The following EML4 variants were observed in gnomAD, a reference collection of about 807,000 sequenced individuals.
The protein encoded by EML4 is echinoderm microtubule-associated protein-like 4.
EML4 carries 72 observed loss-of-function variants against 129.0 expected under a neutral mutation model. The ratio of observed to expected loss-of-function variants is 0.56; its 90% CI spans 0.46 to 0.68. EML4 has a LOEUF of 0.68. EML4 is among the 30% of genes least tolerant of loss of function. The probability of loss-of-function intolerance (pLI) is 0.00; values close to 1 mark genes in which losing one functional copy is unlikely to be tolerated. For synonymous variants in EML4, 532 were observed against 405.0 expected (o/e 1.31, Z -3.77); for missense variants, 1,363 against 1,190.6 (o/e 1.14, Z -2.13).
At chr2:42,285,990 G>A (rs1444266679) in intron 9 of EML4, 1 of 418,110 alleles carries the variant, frequency 2.4e-6, no homozygotes, top group Admixed American at 3.5e-5. Context: ...AATTATAATA[G>A]TGTACCTGTA....
chr2:42,268,254 T>C (rs1233564447), intron 6 of EML4, among the ~76,000 whole-genome samples: 2 of 152,080 alleles, frequency 1.3e-5, no homozygotes, highest in East Asian at 1.9e-4. Context: ...AACAATACAA[T>C]ATAACAACTA....
Position 42,245,568 on chromosome 2 carries a change from G to T in EML4, c.89G>T (p.Arg30Leu). 6.2e-7 allele frequency: 1 copy of T among 1,613,822 alleles called. No homozygotes were observed. Among genetic ancestry groups the T allele is most frequent in the Non-Finnish European group, 8.5e-7 (1 of 1,179,872 alleles). The change falls in exon 2 of 23, where the codon CGA becomes CTA. Residue 30 changes from arginine (R) to leucine (L), a missense_variant. By Grantham distance (102) the Arg-to-Leu change is moderately radical. Coordinates refer to ENST00000318522, the MANE Select transcript of EML4 (RefSeq NM_019063.5). ...GATCGCCTGTCAGCTCTTGAGTCAC[G>T]AGTTCAGCAACAAGAAGATGAAATC... ...VQDRLSALES[R>L]VQQQEDEITV...
rs778258805 is a variant in EML4 at position 42,332,516 on chromosome 2, A to C, written c.*2309A>C. The C allele has an allele frequency of 3.8e-5, 7 of 184,224 alleles. No individual in the cohort carries two copies. Among genetic ancestry groups the C allele is most frequent in the Non-Finnish European group, 8.1e-5 (7 of 86,430 alleles). The allele number at this position is 184,224 out of a possible 1,614,324, so 11.4% of individuals were successfully genotyped here. On this transcript the variant is annotated 3_prime_UTR_variant, in exon 23 of 23. Coordinates refer to ENST00000318522, the MANE Select transcript of EML4 (RefSeq NM_019063.5). ...ATGGCAGAAAATTTTGAAGATTAAA[A>C]AATAAAATAATCAAAATGTTTCCTC... is the stretch of plus-strand genomic sequence containing the variant.
rs771554155 is a variant in EML4 at position 42,328,952 on chromosome 2, T to G, written c.2408T>G (p.Val803Gly). ...CTGGTGCGATCCCACAATAGAAAGGTGATAGCTGTTGCCGATGACTTTTGT... is the reference window on the plus strand; with the variant it reads ...CTGGTGCGATCCCACAATAGAAAGGGGATAGCTGTTGCCGATGACTTTTGT... ...NALVRSHNRK[V>G]IAVADDFCKV... The change falls in exon 22 of 23, where the codon GTG (valine) becomes GGG (glycine). Residue 803 changes from valine (V) to glycine (G), a missense_variant. Physicochemically the swap from Val to Gly is moderately radical, Grantham distance 109. Transcript: ENST00000318522. 9 of 1,613,466 alleles carry G rather than the reference T, an allele frequency of 5.6e-6. No homozygotes were observed. The highest frequency in any genetic ancestry group is 3.4e-6 in the Non-Finnish European group (4 of 1,179,774).
At chr2:42,287,585 A>G (rs978237689) in intron 10 of EML4, among the ~76,000 whole-genome samples, 1 of 152,176 alleles carries the variant, frequency 6.6e-6, no homozygotes. Context: ...AAATGATACT[A>G]TTTTTAAAAA....
At chr2:42,260,633 A>G (rs998106239) in intron 3 of EML4, among the ~76,000 whole-genome samples, 1 of 152,250 alleles carries the variant, frequency 6.6e-6, no homozygotes, top group Non-Finnish European at 1.5e-5. Context: ...AACTGGCATA[A>G]ACAGACTTGG....
intron 1 of EML4, among the ~76,000 whole-genome samples, chr2:42,206,464 C>T (rs1340491596): frequency 6.6e-6 from 1 of 152,162 alleles, no homozygotes; most frequent in African/African-American, 2.4e-5. Flanking sequence ...GTCCTCCTGC[C>T]ATGACCTCCC....
At chr2:42,284,529 G>GT in intron 8 of EML4, 105 bp from the exon 9 acceptor site, 2 of 641,108 alleles carry the variant, frequency 3.1e-6, no homozygotes, top group East Asian at 3.0e-5. Flanking sequence ...ATAAACGTAT[G>GT]TTTTTTAACG....
At chr2:42,240,329 T>C (rs1674944480) in intron 1 of EML4, among the ~76,000 whole-genome samples, 1 of 152,210 alleles carries the variant, frequency 6.6e-6, no homozygotes, top group South Asian at 2.1e-4. Context: ...TTATTTTTAT[T>C]TCCTCTTTTC....
At chr2:42,224,955 T>C (rs1032088366) in intron 1 of EML4, among the ~76,000 whole-genome samples, 6 of 152,074 alleles carry the variant, frequency 3.9e-5, no homozygotes, top group African/African-American at 1.4e-4. Context: ...CTCTCTTCTG[T>C]TTCAATGAAT....
chr2:42,257,688 A>C (rs1002169044), intron 3 of EML4, among the ~76,000 whole-genome samples: 1 of 152,180 alleles, frequency 6.6e-6, no homozygotes, highest in East Asian at 1.9e-4. Flanking sequence ...TACAAAAAAA[A>C]TAGCCAGGCG....
chr2:42,245,470 C>T (rs2104300564), intron 1 of EML4, 35 bp from the exon 2 acceptor site: 1 of 1,513,030 alleles, frequency 6.6e-7, no homozygotes, highest in African/African-American at 1.4e-5. Context: ...AAGCAGTTTA[C>T]TTAAAAATAT....
chr2:42,177,946 T>C (rs1558476058), intron 1 of EML4, among the ~76,000 whole-genome samples: 1 of 152,204 alleles, frequency 6.6e-6, no homozygotes, highest in Non-Finnish European at 1.5e-5. Context: ...TTTCTGTTGG[T>C]CACAATCAGA....
chr2:42,325,571 T>TATATA lies in EML4; in HGVS notation c.2242+17_2242+18insATATA. The TATATA allele has an allele frequency of 2.0e-6, 1 of 488,256 alleles. No homozygotes were observed. Among genetic ancestry groups the TATATA allele is most frequent in the South Asian group, 2.8e-5 (1 of 35,680 alleles). 30.2% of individuals were successfully genotyped at this position (488,256 alleles called of 1,614,324 possible). On this transcript the variant is annotated intron_variant, in intron 20 of 22. Transcript: ENST00000318522. ...TATTGTACTGTAAGTATGAATGATT[T>TATATA]TATATATATATATATATGCTATGAT...
chr2:42,236,287 G>T (rs927781005), intron 1 of EML4, among the ~76,000 whole-genome samples: 1 of 152,178 alleles, frequency 6.6e-6, no homozygotes, highest in Admixed American at 6.5e-5. Flanking sequence ...CTGATATTCT[G>T]TTGGTTGTTA....
chr2:42,314,001 C>T (rs1411432995), intron 17 of EML4, among the ~76,000 whole-genome samples: 1 of 150,982 alleles, frequency 6.6e-6, no homozygotes, highest in Non-Finnish European at 1.5e-5. Context: ...GGAATTTTTT[C>T]CATCTGAATA....
chr2:42,250,600 G>A (rs997010044), intron 2 of EML4, among the ~76,000 whole-genome samples: 1 of 152,044 alleles, frequency 6.6e-6, no homozygotes, highest in Non-Finnish European at 1.5e-5. Flanking sequence ...CCTTGTTTGA[G>A]CATTATAGGG....
At chr2:42,197,951 T>C (rs1671991577) in intron 1 of EML4, among the ~76,000 whole-genome samples, 1 of 152,194 alleles carries the variant, frequency 6.6e-6, no homozygotes, top group South Asian at 2.1e-4. Flanking sequence ...AGAGTCACAG[T>C]GCCTACGTGT....
chr2:42,230,802 A>G (rs1394616929), intron 1 of EML4, among the ~76,000 whole-genome samples: 1 of 152,166 alleles, frequency 6.6e-6, no homozygotes, highest in Non-Finnish European at 1.5e-5. Context: ...ACCTCCTCTC[A>G]TCTTCTTCCC....
Sources: gnomAD v4.1 joint callset for allele counts (sites outside exome capture counted in the v4.1 genomes callset) on GRCh38, gnomAD v4.1.1 for gene constraint, MANE v1.5 for transcripts, NCBI Gene and HGNC (gene_info 2026-07-23, HGNC 2026-07-21) for gene names.